Variants in DMD observed in about 807,000 individuals in gnomAD.
DMD encodes the protein mutant dystrophin.
DMD carries 63 observed loss-of-function variants against 330.1 expected under a neutral mutation model. The observed-to-expected ratio is 0.19, with a 90% CI of 0.16 to 0.24. The LOEUF is 0.24. Among genes scored for constraint, DMD ranks in the 10% least tolerant of loss-of-function variants. The pLI, the probability that DMD is intolerant of heterozygous loss-of-function variation, is 1.00. For synonymous variants in DMD, 1,223 were observed against 959.8 expected (o/e 1.27, Z -5.07); for missense variants, 3,344 against 2,684.1 (o/e 1.25, Z -5.43).
chrX:31,513,317 T>C (rs1237472366), intron 55 of DMD, among the ~76,000 whole-genome samples: 1 of 105,021 alleles, frequency 9.5e-6, no homozygotes, highest in Non-Finnish European at 1.9e-5. Context: ...CCTAATTGAA[T>C]ACCCTTTATT....
intron 52 of DMD, among the ~76,000 whole-genome samples, chrX:31,684,221 C>A (rs373294674): frequency 1.8e-5 from 2 of 111,637 alleles, no homozygotes; most frequent in African/African-American, 6.5e-5. Flanking sequence ...TGTAGACTAT[C>A]CAACCATAGA....
At chrX:32,908,475 G>T (rs904821178) in intron 2 of DMD, among the ~76,000 whole-genome samples, 2 of 111,926 alleles carry the variant, frequency 1.8e-5, no homozygotes, top group Admixed American at 9.5e-5. Context: ...ACGTAAAACG[G>T]AAGTGCTAAA....
At chrX:31,796,264 A>T (rs983520108) in intron 50 of DMD, among the ~76,000 whole-genome samples, 31 of 112,405 alleles carry the variant, frequency 2.8e-4, no homozygotes, top group African/African-American at 9.7e-4. Flanking sequence ...ACAAAATTGC[A>T]GTGCTAAATA....
At chrX:31,144,111 T>C (rs1184762374) in intron 76 of DMD, among the ~76,000 whole-genome samples, 2 of 111,970 alleles carry the variant, frequency 1.8e-5, no homozygotes, top group East Asian at 2.8e-4. Flanking sequence ...AATCAAAACC[T>C]GGCTTTCCTA....
intron 4 of DMD, among the ~76,000 whole-genome samples, chrX:32,842,947 C>A: frequency 9.0e-6 from 1 of 111,262 alleles, no homozygotes; most frequent in Non-Finnish European, 1.9e-5. Context: ...GCTGGGATTA[C>A]AGGCATGCAC....
intron 1 of DMD, among the ~76,000 whole-genome samples, chrX:33,198,254 C>T (rs971726492): frequency 4.5e-5 from 5 of 110,781 alleles, no homozygotes; most frequent in Non-Finnish European, 9.5e-5. Flanking sequence ...AAGGCTTTTC[C>T]CACATTTTTT....
At chrX:32,592,972 T>TC (rs1462276902) in intron 13 of DMD, among the ~76,000 whole-genome samples, 3 of 113,096 alleles carry the variant, frequency 2.7e-5, no homozygotes, top group African/African-American at 9.6e-5. Context: ...CCGCTGCAGC[T>TC]GGCATGCCTG....
At chrX:31,435,600 T>G (rs2064455574) in intron 60 of DMD, 1 of 112,055 alleles carries the variant, frequency 8.9e-6, no homozygotes, top group Non-Finnish European at 1.9e-5. Flanking sequence ...CCATTCCCCT[T>G]TATGGAGTTG....
chrX:32,618,542 G>A (rs771685643), intron 11 of DMD, among the ~76,000 whole-genome samples: 3 of 110,742 alleles, frequency 2.7e-5, no homozygotes, highest in African/African-American at 9.8e-5. Flanking sequence ...AAAGAATTAG[G>A]AAAAAATAAC....
intron 2 of DMD, among the ~76,000 whole-genome samples, chrX:33,015,316 G>A (rs893024798): frequency 8.9e-6 from 1 of 111,798 alleles, no homozygotes; most frequent in Non-Finnish European, 1.9e-5. Context: ...TATACACCAT[G>A]GAATACTATG....
At chrX:32,536,530 G>A (rs1425986376) in intron 17 of DMD, among the ~76,000 whole-genome samples, 1 of 112,198 alleles carries the variant, frequency 8.9e-6, no homozygotes, top group Non-Finnish European at 1.9e-5. Context: ...TCAGACTTTA[G>A]CAGACAGTGA....
chrX:31,799,420 T>C (rs1603470292), intron 50 of DMD, among the ~76,000 whole-genome samples: 1 of 111,572 alleles, frequency 9.0e-6, no homozygotes, highest in African/African-American at 3.3e-5. Context: ...CAGACACTTA[T>C]AAAACCATCA....
chrX:33,135,789 T>C (rs2095523308), intron 1 of DMD, among the ~76,000 whole-genome samples: 1 of 111,940 alleles, frequency 8.9e-6, no homozygotes, highest in Admixed American at 9.5e-5. Flanking sequence ...ACTTATATTA[T>C]AAAATTATTT....
intron 19 of DMD, among the ~76,000 whole-genome samples, chrX:32,496,649 G>GAC (rs1391331255): frequency 8.9e-6 from 1 of 112,383 alleles, no homozygotes; most frequent in Non-Finnish European, 1.9e-5. Context: ...CACACACATG[G>GAC]ACACACACAC....
At chrX:31,167,754 A>T (rs939385771) in intron 74 of DMD, among the ~76,000 whole-genome samples, 1 of 112,152 alleles carries the variant, frequency 8.9e-6, no homozygotes, top group Admixed American at 9.4e-5. Context: ...TATCTCGTGG[A>T]TGGTACTCAT....
At chrX:33,258,312 C>T (rs933032504) in intron 1 of DMD, among the ~76,000 whole-genome samples, 3 of 110,862 alleles carry the variant, frequency 2.7e-5, no homozygotes, top group African/African-American at 9.8e-5. Flanking sequence ...ACAGGTATAA[C>T]TATACCAAAG....
chrX:32,743,783 A>C (rs1003954473), intron 7 of DMD, among the ~76,000 whole-genome samples: 2 of 111,558 alleles, frequency 1.8e-5, no homozygotes, highest in African/African-American at 3.3e-5. Flanking sequence ...TGTCTGTCAT[A>C]AACTGCCATA....
chrX:32,090,858 C>A (rs891869208), intron 44 of DMD, among the ~76,000 whole-genome samples: 2 of 111,178 alleles, frequency 1.8e-5, no homozygotes, highest in African/African-American at 6.5e-5. Context: ...CACAGGCCAT[C>A]CTATGAGGTG....
At position 33,126,934 on chromosome X, in the gene DMD, A is replaced by T. The variant is rs150290152; in HGVS notation, c.31+84348T>A. ...ATCTGATGAATAAAATACAGATATA[A>T]AATTAAAAAATATATTTATAAAGAG... On this transcript the variant is annotated intron_variant, in intron 1 of 78. Transcript: ENST00000357033. 4.8e-3 allele frequency among the ~76,000 whole-genome samples: 541 copies of T among 111,849 alleles called. 1 individual carries two copies. The highest frequency in any genetic ancestry group is 0.016 in the African/African-American group (499 of 30,808).
Sources: allele counts gnomAD v4.1 joint callset (sites outside exome capture counted in the v4.1 genomes callset), GRCh38; gene constraint gnomAD v4.1.1; transcripts MANE v1.5; gene names NCBI Gene and HGNC (gene_info 2026-07-23, HGNC 2026-07-21).